FER1L6: variants seen among roughly 807,000 people sequenced by gnomAD.
FER1L6 encodes fer-1 like family member 6, also known as fer-1-like protein 6.
In FER1L6, 177 loss-of-function variants were observed where a neutral mutation model predicts 219.2. That is an observed-to-expected ratio of 0.81 (90% CI 0.71 to 0.91). The LOEUF (loss-of-function observed/expected upper bound fraction) is 0.91, where lower values mean the gene tolerates loss of function less well. Ranked by LOEUF, FER1L6 falls within the 40% of genes least tolerant of loss-of-function variation. The pLI is 0.00. For synonymous variants in FER1L6, 768 were observed against 824.3 expected, an observed-to-expected ratio of 0.93 and a Z score of 1.17; for missense variants, 2,153 against 2,259.9, an observed-to-expected ratio of 0.95 and a Z score of 0.96.
chr8:124,102,731 T>A (rs1197356935), intron 38 of FER1L6, among the ~76,000 whole-genome samples: 1 of 151,608 alleles, frequency 6.6e-6, no homozygotes, highest in Non-Finnish European at 1.5e-5. Flanking sequence ...CCTGGAGGGG[T>A]TTAGTGGACA....
intron 28 of FER1L6, among the ~76,000 whole-genome samples, chr8:124,069,127 G>A (rs182852082): frequency 6.6e-6 from 1 of 151,814 alleles, no homozygotes; most frequent in Non-Finnish European, 1.5e-5. Flanking sequence ...TAATAGAGAC[G>A]GGGTTTCACC....
At chr8:124,031,170 T>C (rs72714685) in intron 18 of FER1L6, among the ~76,000 whole-genome samples, 7,516 of 152,062 alleles carry the variant, frequency 0.049, 272 homozygotes, top group Non-Finnish European at 0.073. Flanking sequence ...GGGAGAGCTT[T>C]CCCTTGGCCC....
chr8:123,986,982 A>C (rs1816616322), intron 12 of FER1L6, among the ~76,000 whole-genome samples: 1 of 152,220 alleles, frequency 6.6e-6, no homozygotes, highest in African/African-American at 2.4e-5. Context: ...CAGACATAGG[A>C]GTGCAGACAT....
intron 1 of FER1L6, among the ~76,000 whole-genome samples, chr8:123,910,074 C>A (rs1470901104): frequency 6.6e-6 from 1 of 152,184 alleles, no homozygotes; most frequent in African/African-American, 2.4e-5. Context: ...TGGCTTACAG[C>A]CCTTTCCAAG....
rs1814827010 is a variant in FER1L6, at chr8:123,952,726, G to A, written c.-7-3266G>A. ...CTGAAATCCCCTTATTTGTCAGCAA[G>A]CATAACATCATCTTCCTCGTGGTAT... On this transcript the variant is annotated intron_variant, in intron 1 of 40. Coordinates refer to ENST00000522917, the MANE Select transcript of FER1L6 (RefSeq NM_001039112.2). Among the ~76,000 whole-genome samples the A allele has an allele frequency of 2.0e-5, 3 of 152,140 alleles. No individual in the cohort carries two copies. In the South Asian group the frequency reaches 6.2e-4, roughly 32 times the overall value.
At chr8:123,884,820 A>T (rs1817170670) in intron 1 of FER1L6, among the ~76,000 whole-genome samples, 1 of 152,124 alleles carries the variant, frequency 6.6e-6, no homozygotes, top group African/African-American at 2.4e-5. Context: ...CTCCATCTGC[A>T]TATGCTTTCA....
Position 124,082,399 on chromosome 8 carries a change from G to A in FER1L6, c.4332G>A (p.Leu1444=). ...DDLIGETKID[L]ENRFYSKHRA... is the part of the protein sequence containing the mutation. ...TTATTGGTGAGACCAAGATCGACCT[G>A]GAGAACCGCTTCTACAGCAAACACC... is the stretch of plus-strand genomic sequence containing the variant. The change falls in exon 33 of 41, where the codon CTG becomes CTA. Residue 1444 remains leucine (L), a synonymous_variant. Coordinates refer to ENST00000522917, the MANE Select transcript of FER1L6 (RefSeq NM_001039112.2). The A allele has an allele frequency of 6.2e-7, 1 of 1,614,062 alleles. No individual in the cohort carries two copies. Among genetic ancestry groups the A allele is most frequent in the Non-Finnish European group, 8.5e-7 (1 of 1,179,964 alleles).
In FER1L6 at chr8:124,021,793, G is replaced by A. The variant is rs79917490; in HGVS notation, c.2133+124G>A. ...TTTCTCCCCAGCCCTAGTGGGCTAC[G>A]CAGGCACTCCTAGTTTAGAGAAGAG... On this transcript the variant is annotated intron_variant, in intron 17 of 40. Coordinates refer to ENST00000522917, the MANE Select transcript of FER1L6 (RefSeq NM_001039112.2). The A allele has an allele frequency of 4.5e-3, 4,701 of 1,052,634 alleles. 10 individuals carry two copies. The highest frequency in any genetic ancestry group is 5.3e-3 in the Non-Finnish European group (3,775 of 715,700). 65.2% of individuals were successfully genotyped at this position (1,052,634 alleles called of 1,614,324 possible).
chr8:123,966,401 C>T (rs1815544003), intron 5 of FER1L6, 111 bp downstream of exon 5: 2 of 1,392,244 alleles, frequency 1.4e-6, no homozygotes, highest in Non-Finnish European at 9.9e-7. Context: ...CCCTCCCTGG[C>T]CCCCAGTTAA....
At chr8:124,049,460 G>T in intron 21 of FER1L6, 147 bp from the exon 22 acceptor site, 1 of 913,756 alleles carries the variant, frequency 1.1e-6, no homozygotes, top group Non-Finnish European at 1.7e-6. Flanking sequence ...ACGGAAATGG[G>T]CAAGAGGAGC....
rs117906388 is a variant in FER1L6 at position 123,894,756 on chromosome 8, A to G, written c.-8+42571A>G. Among the ~76,000 whole-genome samples, 709 of 152,214 alleles carry G rather than the reference A, an allele frequency of 4.7e-3. 2 individuals carry two copies. The highest frequency in any genetic ancestry group is 0.017 in the Middle Eastern group (5 of 294). Reference sequence around the variant, plus strand: ...AAGATGACCCCTAAAAGAAGGAGGTACTCTGGAAGTGATGGGGATATGTTG... The same window carrying G: ...AAGATGACCCCTAAAAGAAGGAGGTGCTCTGGAAGTGATGGGGATATGTTG... On this transcript the variant is annotated intron_variant, in intron 1 of 40. Coordinates refer to ENST00000522917, the MANE Select transcript of FER1L6 (RefSeq NM_001039112.2).
rs1462315797 is a variant in FER1L6, at chr8:124,111,625, G to A, written c.5290-7219G>A. On this transcript the variant is annotated intron_variant, in intron 39 of 40. Transcript: ENST00000522917. The surrounding 1 kb of genome is among the most constrained non-coding windows in gnomAD (Gnocchi z 5.0). Reference sequence around the variant, plus strand: ...ATTTCTTGATGATATGCTAAACAGGGGTGGATTCATGCCTTCTCTTTTTAG... The same window carrying A: ...ATTTCTTGATGATATGCTAAACAGGAGTGGATTCATGCCTTCTCTTTTTAG... Among the ~76,000 whole-genome samples, 1 of 152,128 alleles carries A rather than the reference G, an allele frequency of 6.6e-6. No individual in the cohort carries two copies. Among genetic ancestry groups the A allele is most frequent in the Admixed American group, 6.5e-5 (1 of 15,282 alleles).
chr8:123,879,722 T>TACAC (rs139893329), intron 1 of FER1L6, among the ~76,000 whole-genome samples: 3 of 151,332 alleles, frequency 2.0e-5, no homozygotes, highest in African/African-American at 4.9e-5. Flanking sequence ...TGCATGCGCA[T>TACAC]ACACACACAC....
At position 123,852,704 on chromosome 8, in the gene FER1L6, T is replaced by C. The variant is rs1816536400; in HGVS notation, c.-8+519T>C. ...GCAAAGATAATTGAGTTCTCTTAAATTTCTCACTCAGTTTTCCCTAATGGT... is the reference window on the plus strand; with the variant it reads ...GCAAAGATAATTGAGTTCTCTTAAACTTCTCACTCAGTTTTCCCTAATGGT... On this transcript the variant is annotated intron_variant, in intron 1 of 40. Coordinates refer to ENST00000522917, the MANE Select transcript of FER1L6 (RefSeq NM_001039112.2). This position sits in a 1 kb window ranked among gnomAD's most constrained non-coding sequence, Gnocchi z 4.9. Among the ~76,000 whole-genome samples, 1 of 152,188 alleles carries C rather than the reference T, an allele frequency of 6.6e-6. No homozygotes were observed. Among genetic ancestry groups the C allele is most frequent in the African/African-American group, 2.4e-5 (1 of 41,452 alleles).
At chr8:123,956,142 G>A in intron 2 of FER1L6, 68 bp downstream of exon 2, 1 of 1,372,470 alleles carries the variant, frequency 7.3e-7, no homozygotes, top group Non-Finnish European at 1.0e-6. Flanking sequence ...CTCCGTGGCT[G>A]AAAATGCAGT....
At chr8:123,946,983 G>T (rs934504166) in intron 1 of FER1L6, among the ~76,000 whole-genome samples, 13 of 152,064 alleles carry the variant, frequency 8.5e-5, no homozygotes, top group Non-Finnish European at 1.5e-4. Flanking sequence ...GAGACTGGTG[G>T]TAGAGAAATA....
chr8:123,995,054 T>C (rs1337813679), intron 12 of FER1L6, among the ~76,000 whole-genome samples: 1 of 152,244 alleles, frequency 6.6e-6, no homozygotes, highest in African/African-American at 2.4e-5. Context: ...TAAAATATTC[T>C]GCCTGGCTCA....
At chr8:123,870,037 A>C (rs1295045943) in intron 1 of FER1L6, among the ~76,000 whole-genome samples, 1 of 152,260 alleles carries the variant, frequency 6.6e-6, no homozygotes, top group Non-Finnish European at 1.5e-5. Flanking sequence ...GATGGCAAGT[A>C]AGCATATGAA....
In FER1L6 at chr8:124,006,462, GA is replaced by G. The variant is rs1462261366; in HGVS notation, c.1700+3119del. On this transcript the variant is annotated intron_variant, in intron 13 of 40. Transcript: ENST00000522917. Reference sequence around the variant, plus strand: ...AGCCAGGGAGGCAGCAGCTGAGTTGGAAAATTCTATGTCTACAAACAACCCC... The same window carrying G: ...AGCCAGGGAGGCAGCAGCTGAGTTGGAAATTCTATGTCTACAAACAACCCC... Among the ~76,000 whole-genome samples, 6 of 152,270 alleles carry G rather than the reference GA, an allele frequency of 3.9e-5. No homozygotes were observed. In the East Asian group the frequency reaches 1.2e-3, roughly 29 times the overall value.
Sources: gnomAD v4.1 joint callset for allele counts (sites outside exome capture counted in the v4.1 genomes callset) on GRCh38, gnomAD v4.1.1 for gene constraint, Gnocchi (gnomAD v3.1) non-coding constraint, MANE v1.5 for transcripts, NCBI Gene and HGNC (gene_info 2026-07-23, HGNC 2026-07-21) for gene names.